Variants in USP32 observed in about 807,000 individuals in gnomAD.
The protein encoded by USP32 is ubiquitin carboxyl-terminal hydrolase 32.
A neutral mutation model predicts 204.8 loss-of-function variants in USP32; 59 were observed. The observed-to-expected ratio is 0.29, with a 90% CI of 0.23 to 0.36. The LOEUF is 0.36. Ranked by LOEUF, USP32 falls within the 10% of genes least tolerant of loss-of-function variation. The pLI is 1.00. For missense variants in USP32, 1,160 were observed against 1,946.4 expected (o/e 0.60, Z 7.60); for synonymous variants, 517 against 678.4 (o/e 0.76, Z 3.70).
chr17:60,184,337 C>T (rs2145369921), intron 30 of USP32, among the ~76,000 whole-genome samples: 1 of 150,834 alleles, frequency 6.6e-6, no homozygotes, highest in South Asian at 2.1e-4. Context: ...AAAAAGTCTC[C>T]CCCTCCTCCC....
At chr17:60,194,766 C>T (rs1454183172) in intron 27 of USP32, among the ~76,000 whole-genome samples, 1 of 152,196 alleles carries the variant, frequency 6.6e-6, no homozygotes, top group Non-Finnish European at 1.5e-5. Context: ...TACTTTGCAA[C>T]CACCACCTCC....
chr17:60,321,234 T>C (rs2088105314), intron 2 of USP32, among the ~76,000 whole-genome samples: 3 of 152,142 alleles, frequency 2.0e-5, no homozygotes, highest in African/African-American at 2.4e-5. Context: ...AAATTCAGCA[T>C]AGACCAAAAC....
In USP32 at chr17:60,328,253, G is replaced by T. The variant is rs1221070958; in HGVS notation, c.186+17228C>A. 3.3e-5 allele frequency among the ~76,000 whole-genome samples: 5 copies of T among 152,206 alleles called. No individual in the cohort carries two copies. The East Asian group carries it at 9.6e-4, about 29-fold the overall frequency. On this transcript the variant is annotated intron_variant, in intron 2 of 33. Transcript: ENST00000300896. ...CAGGATCAGCCAGAGCTGTACAGAT[G>T]ATGGAACAACCAGCTGCAGGGAGGA... is the stretch of plus-strand genomic sequence containing the variant.
At chr17:60,316,432 G>A (rs1010025328) in intron 2 of USP32, among the ~76,000 whole-genome samples, 1 of 151,994 alleles carries the variant, frequency 6.6e-6, no homozygotes, top group South Asian at 2.1e-4. Flanking sequence ...TATAAATATG[G>A]GTATGTAAAG....
chr17:60,300,088 T>C (rs1248761131), intron 3 of USP32, among the ~76,000 whole-genome samples: 3 of 152,058 alleles, frequency 2.0e-5, no homozygotes, highest in African/African-American at 7.2e-5. Flanking sequence ...CAGACCATAG[T>C]AGGCAGATTA....
Position 60,235,298 on chromosome 17 carries a change from C to T in USP32, c.1239+840G>A, listed in dbSNP as rs1287293490. Among the ~76,000 whole-genome samples the T allele has an allele frequency of 3.3e-5, 5 of 152,184 alleles. No homozygotes were observed. In the South Asian group the frequency reaches 8.3e-4, roughly 25 times the overall value. On this transcript the variant is annotated intron_variant, in intron 12 of 33. Coordinates refer to ENST00000300896, the MANE Select transcript of USP32 (RefSeq NM_032582.4). ...ATTCTCATTTTTCTACCTACACATA[C>T]CATCATTATCTACCTACAAGGTCCA...
Position 60,264,531 on chromosome 17 carries a change from C to CA in USP32, c.990+880dup, listed in dbSNP as rs112994170. The stretch of plus-strand genomic sequence containing the variant: ...TCCTGTCTCCAAAAAAACAAACAGA[C>CA]AAAAAAAAAAACAAAAGAAATTTCT... On this transcript the variant is annotated intron_variant, in intron 9 of 33. Transcript: ENST00000300896. Among the ~76,000 whole-genome samples, 759 of 135,040 alleles carry CA rather than the reference C, an allele frequency of 5.6e-3. 5 individuals are homozygous for CA. Among genetic ancestry groups the CA allele is most frequent in the Admixed American group, 6.3e-3 (83 of 13,146 alleles). The allele number at this position is 135,040 out of a possible 152,430, so 88.6% of individuals were successfully genotyped here. A position where few individuals can be genotyped will look rare whatever the true frequency, so the allele number is the denominator to read the frequency against.
intron 7 of USP32, among the ~76,000 whole-genome samples, chr17:60,267,489 T>C (rs990332699): frequency 6.6e-6 from 1 of 152,204 alleles, no homozygotes; most frequent in Admixed American, 6.5e-5. Flanking sequence ...ATAACTAATG[T>C]ACATTCAATC....
At chr17:60,345,974 TC>T (rs1422673147) in intron 1 of USP32, among the ~76,000 whole-genome samples, 1 of 151,460 alleles carries the variant, frequency 6.6e-6, no homozygotes, top group East Asian at 1.9e-4. Context: ...AGAGCGAAAC[TC>T]TGTCTCAAAA....
At chr17:60,385,544 C>A (rs906503816) in intron 1 of USP32, among the ~76,000 whole-genome samples, 14 of 150,896 alleles carry the variant, frequency 9.3e-5, no homozygotes, top group African/African-American at 3.4e-4. Context: ...GACTCTGTCT[C>A]AAAAATAAAT....
intron 6 of USP32, among the ~76,000 whole-genome samples, 165 bp from the exon 7 acceptor site, chr17:60,269,722 AT>A (rs1362685968): frequency 1.3e-5 from 2 of 152,186 alleles, no homozygotes; most frequent in Non-Finnish European, 2.9e-5. Context: ...TCCTCTTGGT[AT>A]AATTATAATT....
At chr17:60,334,429 G>A (rs760503803) in intron 2 of USP32, among the ~76,000 whole-genome samples, 1 of 151,904 alleles carries the variant, frequency 6.6e-6, no homozygotes, top group East Asian at 1.9e-4. Flanking sequence ...TAAGCCATGC[G>A]GCTCATCTGT....
At position 60,349,590 on chromosome 17, in the gene USP32, A is replaced by T. The variant is rs1598274194; in HGVS notation, c.59-3982T>A. Among the ~76,000 whole-genome samples the T allele has an allele frequency of 8.2e-5, 4 of 48,488 alleles. No individual in the cohort carries two copies. In the East Asian group the frequency reaches 1.3e-3, roughly 16 times the overall value. The allele number at this position is 48,488 out of a possible 152,430, so 31.8% of individuals were successfully genotyped here. A position where few individuals can be genotyped will look rare whatever the true frequency, so the allele number is the denominator to read the frequency against. On this transcript the variant is annotated intron_variant, in intron 1 of 33. Coordinates refer to ENST00000300896, the MANE Select transcript of USP32 (RefSeq NM_032582.4). ...CTCTGTCTCAAAAGAAAAAAAAAAA[A>T]AAAAAAATATATATATATATATATA...
chr17:60,324,275 G>A (rs910081835), intron 2 of USP32, among the ~76,000 whole-genome samples: 3 of 141,134 alleles, frequency 2.1e-5, no homozygotes, highest in African/African-American at 3.1e-5. Context: ...CAGCAAGACC[G>A]TGTTTCAAAT....
intron 32 of USP32, 108 bp from the exon 33 acceptor site, chr17:60,180,745 G>A (rs1245995330): frequency 1.8e-6 from 2 of 1,142,522 alleles, no homozygotes; most frequent in Non-Finnish European, 2.5e-6. Flanking sequence ...ATGATCAGTA[G>A]GTGAAAAAAT....
intron 1 of USP32, among the ~76,000 whole-genome samples, chr17:60,387,519 A>G (rs968285627): frequency 6.6e-6 from 1 of 152,230 alleles, no homozygotes; most frequent in Non-Finnish European, 1.5e-5. Context: ...TTAATATACC[A>G]TAAGCTAATC....
intron 2 of USP32, among the ~76,000 whole-genome samples, chr17:60,311,127 G>C (rs918145817): frequency 6.6e-6 from 1 of 152,022 alleles, no homozygotes; most frequent in African/African-American, 2.4e-5. Context: ...AAAATAACTA[G>C]AAAAAATTAA....
intron 11 of USP32, among the ~76,000 whole-genome samples, chr17:60,240,294 T>G (rs532568991): frequency 1.3e-5 from 2 of 152,262 alleles, no homozygotes; most frequent in Non-Finnish European, 2.9e-5. Flanking sequence ...CTGACTGCTA[T>G]AGTTGTTTGT....
upstream of USP32, chr17:60,392,772 G>T: frequency 3.3e-6 from 1 of 307,136 alleles, no homozygotes; most frequent in Non-Finnish European, 6.7e-6. Flanking sequence ...TGAGGAAAGT[G>T]GACCTTGTTA....
Sources: gnomAD v4.1 joint callset for allele counts (sites outside exome capture counted in the v4.1 genomes callset) on GRCh38, gnomAD v4.1.1 for gene constraint, MANE v1.5 for transcripts, NCBI Gene and HGNC (gene_info 2026-07-23, HGNC 2026-07-21) for gene names.